The following ADRA1B variants were observed in gnomAD, a reference collection of about 807,000 sequenced individuals.
ADRA1B encodes the protein alpha-1B adrenergic receptor.
A neutral mutation model predicts 17.9 loss-of-function variants in ADRA1B; 17 were observed. That is an observed-to-expected ratio of 0.95 (90% CI 0.65 to 1.42). The LOEUF is 1.42. Ranked by LOEUF, ADRA1B falls within the 40% of genes most tolerant of loss-of-function variation. The probability of loss-of-function intolerance (pLI) is 0.00; values close to 1 mark genes in which losing one functional copy is unlikely to be tolerated. For missense variants in ADRA1B, 681 were observed against 722.1 expected (o/e 0.94, Z 0.65); for synonymous variants, 366 against 327.6 (o/e 1.12, Z -1.27).
chr5:159,923,247 T>G (rs1290191744), intron 1 of ADRA1B, among the ~76,000 whole-genome samples: 1 of 152,294 alleles, frequency 6.6e-6, no homozygotes, highest in Non-Finnish European at 1.5e-5. Context: ...TTAAGTGTGT[T>G]GGTCACTACA....
In ADRA1B at chr5:159,903,740, T is replaced by C. The variant is rs75791758; in HGVS notation, c.-255-12379T>C. Among the ~76,000 whole-genome samples the C allele has an allele frequency of 6.4e-3, 975 of 152,222 alleles. 10 individuals are homozygous for C. Among genetic ancestry groups the C allele is most frequent in the African/African-American group, 0.022 (923 of 41,542 alleles). On this transcript the variant is annotated intron_variant, in intron 1 of 2. Coordinates refer to the ADRA1B transcript ENST00000641205. ...CAACCAGAACACCTCCAGACCTGGCTCCAAACCTCACATCCCCTCATCTTC... is the reference window on the plus strand; with the variant it reads ...CAACCAGAACACCTCCAGACCTGGCCCCAAACCTCACATCCCCTCATCTTC...
the ADRA1B span, among the ~76,000 whole-genome samples, chr5:159,987,264 G>T: frequency 6.6e-6 from 1 of 152,216 alleles, no homozygotes; most frequent in Non-Finnish European, 1.5e-5. Context: ...TTCTGCCGTT[G>T]CCAGGAGCTC....
chr5:159,887,458 A>G (rs1341080486), intron 1 of ADRA1B, among the ~76,000 whole-genome samples: 2 of 152,206 alleles, frequency 1.3e-5, no homozygotes, highest in South Asian at 2.1e-4. Context: ...CCTTATTCAA[A>G]TATCTCCCCA....
At chr5:159,879,091 A>T (rs1368794267) in intron 1 of ADRA1B, among the ~76,000 whole-genome samples, 2 of 152,154 alleles carry the variant, frequency 1.3e-5, no homozygotes, top group East Asian at 3.9e-4. Context: ...CACACTGTTG[A>T]CAGAGGCAGA....
In ADRA1B at chr5:159,971,864, C is replaced by T. The variant is rs1365255342; in HGVS notation, c.950-15C>T. ...GCTGTCTTTCTGCCCGTGCCCACCCCCCTCCCCACTGCAGGCTCCTTGTTC... is the reference window on the plus strand; with the variant it reads ...GCTGTCTTTCTGCCCGTGCCCACCCTCCTCCCCACTGCAGGCTCCTTGTTC... On this transcript the variant is annotated splice_polypyrimidine_tract_variant and intron_variant, in intron 1 of 1. Coordinates refer to ENST00000306675, the MANE Select transcript of ADRA1B (RefSeq NM_000679.4). 1.3e-5 allele frequency: 5 copies of T among 394,830 alleles called. No individual in the cohort carries two copies. Among genetic ancestry groups the T allele is most frequent in the Non-Finnish European group, 2.1e-5 (5 of 243,008 alleles). The allele number at this position is 394,830 out of a possible 1,614,324, so 24.5% of individuals were successfully genotyped here. A position where few individuals can be genotyped will look rare whatever the true frequency, so the allele number is the denominator to read the frequency against.
At chr5:159,930,047 C>T (rs1316998949) in intron 1 of ADRA1B, among the ~76,000 whole-genome samples, 1 of 150,770 alleles carries the variant, frequency 6.6e-6, no homozygotes, top group Non-Finnish European at 1.5e-5. Context: ...AGTTCTGTGT[C>T]AGAATGCATA....
the ADRA1B span, among the ~76,000 whole-genome samples, chr5:159,984,719 G>A: frequency 2.0e-5 from 3 of 148,768 alleles, no homozygotes; most frequent in Non-Finnish European, 3.0e-5. Context: ...CCAACATGGC[G>A]ATACCCCATC....
chr5:159,953,586 G>A (rs922523452), intron 1 of ADRA1B, among the ~76,000 whole-genome samples: 1 of 152,168 alleles, frequency 6.6e-6, no homozygotes, highest in African/African-American at 2.4e-5. Context: ...TCAAATTGAA[G>A]CCTGTCTCTA....
intron 1 of ADRA1B, among the ~76,000 whole-genome samples, chr5:159,971,245 A>G (rs1409259162): frequency 6.6e-6 from 1 of 152,212 alleles, no homozygotes; most frequent in African/African-American, 2.4e-5. Context: ...GCTGATTTGT[A>G]AGAGTTCCTC....
rs1444905215 is a variant in ADRA1B at position 159,917,830 on chromosome 5, C to T, written c.925C>T (p.Pro309Ser). ...CGGTATGTTCATCTTGTGCTGGCTA[C>T]CCTTCTTCATCGCTCTACCGCTTGG... Reference protein sequence around the residue: ...VVGMFILCWLPFFIALPLGSL... With the variant: ...VVGMFILCWLSFFIALPLGSL... Residue 309 changes from proline to serine, a missense_variant, in exon 1 of 2, where the codon CCC (proline) becomes TCC (serine). Pro to Ser is a moderately conservative substitution (Grantham distance 74). Around this residue, in one of 3 missense-constraint regions of ADRA1B, gnomAD observed 424 missense variants for 480.2 expected, o/e 0.88. Coordinates refer to ENST00000306675, the MANE Select transcript of ADRA1B (RefSeq NM_000679.4). 1.2e-6 allele frequency: 2 copies of T among 1,610,348 alleles called. No individual in the cohort carries two copies. The highest frequency in any genetic ancestry group is 1.7e-6 in the Non-Finnish European group (2 of 1,178,828).
chr5:159,939,124 T>A (rs1461410192), intron 1 of ADRA1B, among the ~76,000 whole-genome samples: 6 of 152,100 alleles, frequency 3.9e-5, no homozygotes, highest in Admixed American at 2.6e-4. Context: ...AGGGGCAGTG[T>A]CCCCAGCCCC....
At chr5:159,954,282 G>A (rs991778940) in intron 1 of ADRA1B, among the ~76,000 whole-genome samples, 1 of 152,180 alleles carries the variant, frequency 6.6e-6, no homozygotes, top group Non-Finnish European at 1.5e-5. Context: ...CAGGGTGCTG[G>A]TATGGTCAGG....
At chr5:159,962,927 TTTCTTTTC>T (rs1755703486) in intron 1 of ADRA1B, among the ~76,000 whole-genome samples, 1 of 129,502 alleles carries the variant, frequency 7.7e-6, no homozygotes. Context: ...TTCTTTTTCT[TTTCTTTTC>T]TTTTTTTTTT....
rs7713566 is a variant in ADRA1B, at chr5:159,955,125, C to A, written c.950-16754C>A. 6.2e-3 allele frequency: 6,091 copies of A among 984,932 alleles called. 293 individuals carry two copies. In the African/African-American group the frequency reaches 0.099, roughly 16 times the overall value. The allele number at this position is 984,932 out of a possible 1,614,324, so 61.0% of individuals were successfully genotyped here. Reference sequence around the variant, plus strand: ...GCAATGTGCTTAGCCTTCAGGATACCGAAAGACAAGAAAGGGCTCTGGTGA... The same window carrying A: ...GCAATGTGCTTAGCCTTCAGGATACAGAAAGACAAGAAAGGGCTCTGGTGA... On this transcript the variant is annotated intron_variant, in intron 1 of 1. Transcript: ENST00000306675.
At chr5:159,971,271 C>T (rs1335013385) in intron 1 of ADRA1B, among the ~76,000 whole-genome samples, 1 of 152,218 alleles carries the variant, frequency 6.6e-6, no homozygotes, top group Non-Finnish European at 1.5e-5. Flanking sequence ...TTCTAAATAT[C>T]AATCCCTTGA....
chr5:159,979,902 CAAG>C, the ADRA1B span, among the ~76,000 whole-genome samples: 6 of 150,848 alleles, frequency 4.0e-5, no homozygotes, highest in Non-Finnish European at 8.9e-5. Flanking sequence ...GTAGAGAGGG[CAAG>C]AAGGAGAGCA....
At chr5:159,925,714 T>TA (rs1157660889) in intron 1 of ADRA1B, among the ~76,000 whole-genome samples, 9 of 152,220 alleles carry the variant, frequency 5.9e-5, no homozygotes, top group African/African-American at 2.2e-4. Context: ...CACATACGTA[T>TA]ATTCAACAGA....
intron 1 of ADRA1B, among the ~76,000 whole-genome samples, chr5:159,970,803 T>C (rs1020771305): frequency 9.2e-5 from 14 of 152,152 alleles, no homozygotes; most frequent in African/African-American, 3.1e-4. Context: ...GTGGTTTTCG[T>C]TTTCGTTGTT....
chr5:159,904,477 C>T (rs1459800299), intron 1 of ADRA1B, among the ~76,000 whole-genome samples: 2 of 152,200 alleles, frequency 1.3e-5, no homozygotes, highest in Non-Finnish European at 2.9e-5. Context: ...ATTTGTGGAA[C>T]TGAAAAAGTT....
Sources: gnomAD v4.1 joint callset for allele counts (sites outside exome capture counted in the v4.1 genomes callset) on GRCh38, gnomAD v4.1.1 for gene constraint, gnomAD v4.1.1 regional missense constraint, MANE v1.5 for transcripts, NCBI Gene and HGNC (gene_info 2026-07-23, HGNC 2026-07-21) for gene names.